Variants in EPS15 observed in about 807,000 individuals in gnomAD.
EPS15 encodes the protein epidermal growth factor receptor substrate 15.
Under a neutral mutation model 113.8 loss-of-function variants are expected in EPS15, and 72 were observed. The observed-to-expected ratio is 0.63, with a 90% CI of 0.52 to 0.77. The LOEUF is 0.77. Among genes scored for constraint, EPS15 ranks in the 30% least tolerant of loss-of-function variants. EPS15 has a pLI of 0.00. For missense variants in EPS15, 1,048 were observed against 1,045.8 expected (o/e 1.00, Z -0.03); for synonymous variants, 344 against 363.4 (o/e 0.95, Z 0.61).
chr1:51,409,434 A>T (rs1018847847), intron 14 of EPS15, 101 bp downstream of exon 14: 21 of 1,161,506 alleles, frequency 1.8e-5, no homozygotes, highest in Non-Finnish European at 2.2e-5. Context: ...TGGATTGCCA[A>T]CCACCACCAT....
In EPS15 at chr1:51,357,416, ATATATATATATTT is replaced by A. The variant is rs1166370138; in HGVS notation, c.2545-583_2545-571del. On this transcript the variant is annotated intron_variant, in intron 24 of 24. Coordinates refer to ENST00000371733, the MANE Select transcript of EPS15 (RefSeq NM_001981.3). ...AATATATATATATATATATATATATATATATATATATTTTTTTTTTTTAAATGTGATATATATA... is the reference window on the plus strand; with the variant it reads ...AATATATATATATATATATATATATATTTTTTTTTAAATGTGATATATATA... 2.6e-3 allele frequency among the ~76,000 whole-genome samples: 170 copies of A among 64,492 alleles called. 1 individual carries two copies. The highest frequency in any genetic ancestry group is 3.6e-3 in the Admixed American group (19 of 5,336). 42.3% of individuals were successfully genotyped at this position (64,492 alleles called of 152,430 possible). A position where few individuals can be genotyped will look rare whatever the true frequency, so the allele number is the denominator to read the frequency against.
At chr1:51,480,538 G>C (rs1033626369) in intron 2 of EPS15, among the ~76,000 whole-genome samples, 2 of 152,100 alleles carry the variant, frequency 1.3e-5, no homozygotes, top group African/African-American at 4.8e-5. Flanking sequence ...TTTTGAGATG[G>C]AGTTTCACTC....
intron 21 of EPS15, among the ~76,000 whole-genome samples, chr1:51,379,405 C>T (rs77647728): frequency 6.6e-6 from 1 of 152,072 alleles, no homozygotes; most frequent in Admixed American, 6.6e-5. Flanking sequence ...CAGGTATGAG[C>T]CACAGTGCCT....
At chr1:51,362,500 C>T (rs1320432638) in intron 23 of EPS15, among the ~76,000 whole-genome samples, 1 of 152,204 alleles carries the variant, frequency 6.6e-6, no homozygotes, top group South Asian at 2.1e-4. Flanking sequence ...AACAACCTCA[C>T]TATTGGCATC....
chr1:51,518,696 G>C (rs905893612), intron 1 of EPS15, among the ~76,000 whole-genome samples: 3 of 152,122 alleles, frequency 2.0e-5, no homozygotes, highest in Admixed American at 2.0e-4. Flanking sequence ...AGACTGGCTT[G>C]GGGGGCCTGC....
At chr1:51,389,560 C>T (rs1346561023) in intron 21 of EPS15, among the ~76,000 whole-genome samples, 1 of 152,200 alleles carries the variant, frequency 6.6e-6, no homozygotes, top group East Asian at 1.9e-4. Flanking sequence ...GATTATATAT[C>T]TAGAAAACCC....
chr1:51,373,339 C>A (rs949689997), intron 21 of EPS15: 2 of 152,532 alleles, frequency 1.3e-5, no homozygotes, highest in African/African-American at 4.8e-5. Context: ...CCTCGGGTCA[C>A]TCTTGAATGG....
chr1:51,383,754 G>T (rs547633355), intron 21 of EPS15, among the ~76,000 whole-genome samples: 2 of 152,146 alleles, frequency 1.3e-5, no homozygotes, highest in South Asian at 4.2e-4. Flanking sequence ...AAGCACTTAG[G>T]CAAGAAAAAG....
chr1:51,436,762 A>G (rs1040760014), intron 12 of EPS15, among the ~76,000 whole-genome samples: 1 of 152,176 alleles, frequency 6.6e-6, no homozygotes, highest in African/African-American at 2.4e-5. Flanking sequence ...TTTCAAAGGT[A>G]GAAGACTAAA....
chr1:51,478,178 T>G (rs1643949019), intron 2 of EPS15, among the ~76,000 whole-genome samples: 1 of 152,220 alleles, frequency 6.6e-6, no homozygotes, highest in South Asian at 2.1e-4. Context: ...TTAGCTCTCC[T>G]TGTTGAATTG....
chr1:51,468,342 GA>G (rs1570370151), intron 5 of EPS15, 130 bp downstream of exon 5: 3 of 707,984 alleles, frequency 4.2e-6, no homozygotes, highest in Non-Finnish European at 5.0e-6. Flanking sequence ...CCAGTAGGGG[GA>G]AAAAAGCCAA....
intron 12 of EPS15, among the ~76,000 whole-genome samples, chr1:51,424,936 T>C (rs1381217998): frequency 6.6e-6 from 1 of 151,986 alleles, no homozygotes; most frequent in African/African-American, 2.4e-5. Flanking sequence ...AAAAGGTGTG[T>C]GAGCATTTTG....
chr1:51,417,011 A>G lies in EPS15; in HGVS notation c.1113+4775T>C, dbSNP rs574234260. 3.9e-5 allele frequency among the ~76,000 whole-genome samples: 6 copies of G among 152,250 alleles called. No individual in the cohort carries two copies. The South Asian group carries it at 1.2e-3, about 32-fold the overall frequency. ...AAGATGTTTAAGTCAATGAACAGAA[A>G]GGAAGCCTAATAAACTAGGGTGGGT... On this transcript the variant is annotated intron_variant, in intron 13 of 24. Transcript: ENST00000371733.
At chr1:51,481,184 G>C (rs72892019) in intron 2 of EPS15, 89 bp downstream of exon 2, 1 of 753,254 alleles carries the variant, frequency 1.3e-6, no homozygotes, top group Admixed American at 2.1e-5. Flanking sequence ...CAAATTTATC[G>C]AGCTAGCTGG....
At chr1:51,493,687 C>T (rs565710823) in intron 1 of EPS15, among the ~76,000 whole-genome samples, 8 of 151,412 alleles carry the variant, frequency 5.3e-5, no homozygotes, top group African/African-American at 1.9e-4. Context: ...GGCACGATCT[C>T]GGCTCACTGC....
chr1:51,467,150 C>T (rs1654900199), intron 5 of EPS15, among the ~76,000 whole-genome samples: 1 of 152,206 alleles, frequency 6.6e-6, no homozygotes, highest in Non-Finnish European at 1.5e-5. Flanking sequence ...ACCTATCAAA[C>T]CGCAAAGATC....
chr1:51,375,929 T>C (rs1646786235), intron 21 of EPS15, among the ~76,000 whole-genome samples: 1 of 152,142 alleles, frequency 6.6e-6, no homozygotes, highest in Non-Finnish European at 1.5e-5. Context: ...AACAAAAGGA[T>C]TTTAAAAAGA....
At chr1:51,404,086 C>T (rs944368790) in intron 16 of EPS15, among the ~76,000 whole-genome samples, 1 of 152,116 alleles carries the variant, frequency 6.6e-6, no homozygotes, top group African/African-American at 2.4e-5. Context: ...GTGGCTCACA[C>T]CTGTAATCCC....
At chr1:51,391,004 C>T (rs1159856995) in intron 21 of EPS15, among the ~76,000 whole-genome samples, 1 of 152,158 alleles carries the variant, frequency 6.6e-6, no homozygotes, top group Non-Finnish European at 1.5e-5. Flanking sequence ...GCTATAAAGA[C>T]ACATGCACAC....
Sources: gnomAD v4.1 joint callset for allele counts (sites outside exome capture counted in the v4.1 genomes callset) on GRCh38, gnomAD v4.1.1 for gene constraint, MANE v1.5 for transcripts, NCBI Gene and HGNC (gene_info 2026-07-23, HGNC 2026-07-21) for gene names.